The following HBS1L variants were observed in gnomAD, a reference collection of about 807,000 sequenced individuals.
HBS1L encodes HBS1 like translational GTPase.
HBS1L carries 55 observed loss-of-function variants against 88.9 expected under a neutral mutation model. That is an observed-to-expected ratio of 0.62 (90% CI 0.50 to 0.77). The LOEUF (loss-of-function observed/expected upper bound fraction) is 0.77, where lower values mean the gene tolerates loss of function less well. HBS1L is among the 30% of genes least tolerant of loss of function. The pLI, the probability that HBS1L is intolerant of heterozygous loss-of-function variation, is 0.00. For synonymous variants in HBS1L, 267 were observed against 288.5 expected (o/e 0.93, Z 0.76); for missense variants, 741 against 829.3 (o/e 0.89, Z 1.31).
intron 7 of HBS1L, among the ~76,000 whole-genome samples, chr6:134,995,790 T>C (rs1177834268): frequency 6.6e-6 from 1 of 152,004 alleles, no homozygotes; most frequent in Non-Finnish European, 1.5e-5. Context: ...CTTACTAGGA[T>C]AGAAAACAGG....
intron 7 of HBS1L, among the ~76,000 whole-genome samples, chr6:134,995,454 C>T (rs932611948): frequency 2.0e-5 from 3 of 151,768 alleles, no homozygotes; most frequent in Admixed American, 1.3e-4. Context: ...AGCAGCAAAA[C>T]GCAGCAGCAA....
chr6:135,054,126 A>C (rs906698048), intron 1 of HBS1L, among the ~76,000 whole-genome samples: 1 of 152,268 alleles, frequency 6.6e-6, no homozygotes, highest in African/African-American at 2.4e-5. Flanking sequence ...AAATTCGTTG[A>C]AAAATAAATT....
chr6:135,002,614 A>G (rs1433194593), intron 5 of HBS1L, 120 bp downstream of exon 5: 1 of 623,614 alleles, frequency 1.6e-6, no homozygotes, highest in Non-Finnish European at 2.9e-6. Flanking sequence ...AGGATATATG[A>G]TACTTCAGTG....
At chr6:135,052,575 C>T (rs531380127) in intron 1 of HBS1L, among the ~76,000 whole-genome samples, 194 of 140,958 alleles carry the variant, frequency 1.4e-3, no homozygotes, top group Non-Finnish European at 1.1e-3. Flanking sequence ...AAGTGCGATC[C>T]TGTCTCTTAA....
chr6:135,040,649 C>T (rs1776705866), intron 3 of HBS1L, among the ~76,000 whole-genome samples: 1 of 151,662 alleles, frequency 6.6e-6, no homozygotes, highest in African/African-American at 2.4e-5. Flanking sequence ...CGTGCCCAGC[C>T]GGCATTCACT....
intron 1 of HBS1L, among the ~76,000 whole-genome samples, chr6:135,052,479 C>T (rs999481869): frequency 2.0e-5 from 3 of 150,474 alleles, no homozygotes; most frequent in Non-Finnish European, 2.9e-5. Context: ...GGCTGAGGCA[C>T]GAGGATTGCT....
chr6:134,981,255 T>G (rs531534739), intron 13 of HBS1L, among the ~76,000 whole-genome samples: 1 of 152,104 alleles, frequency 6.6e-6, no homozygotes, highest in Admixed American at 6.6e-5. Flanking sequence ...ATTATAGCTC[T>G]TGTCACTTTA....
At chr6:135,022,255 T>C (rs975049935) in intron 4 of HBS1L, among the ~76,000 whole-genome samples, 1 of 151,604 alleles carries the variant, frequency 6.6e-6, no homozygotes, top group African/African-American at 2.4e-5. Flanking sequence ...AAAGGATGTA[T>C]AATTGCCTTA....
chr6:134,985,560 G>A (rs1774956074), intron 11 of HBS1L, 151 bp from the exon 12 acceptor site: 3 of 529,442 alleles, frequency 5.7e-6, no homozygotes, highest in African/African-American at 2.0e-5. Flanking sequence ...TATACACATT[G>A]AGCATCCCAA....
chr6:134,982,956 T>C (rs1774874969), intron 12 of HBS1L: 2 of 153,454 alleles, frequency 1.3e-5, no homozygotes, highest in South Asian at 2.0e-4. Context: ...ATGTAAAATA[T>C]ACAATAGAAA....
rs1435049802 is a variant in HBS1L at position 135,002,846 on chromosome 6, G to C, written c.431-4C>G. 1.3e-6 allele frequency: 2 copies of C among 1,592,390 alleles called. No homozygotes were observed. Among genetic ancestry groups the C allele is most frequent in the East Asian group, 4.5e-5 (2 of 44,702 alleles). ...GTCTGGGAATCTACTGGTTTTCCTA[G>C]TTAAGGAGTAAAATATAAAAGGCCA... On this transcript the variant is annotated splice_polypyrimidine_tract_variant and splice_region_variant and intron_variant, in intron 4 of 17. Coordinates refer to ENST00000367837, the MANE Select transcript of HBS1L (RefSeq NM_006620.4).
chr6:134,967,831 A>G (rs572382645), intron 16 of HBS1L, among the ~76,000 whole-genome samples: 1 of 152,348 alleles, frequency 6.6e-6, no homozygotes, highest in Non-Finnish European at 1.5e-5. Flanking sequence ...AAGAATATAC[A>G]TTATGTGAAA....
chr6:134,979,600 G>A (rs933448934), intron 13 of HBS1L, among the ~76,000 whole-genome samples: 1 of 151,988 alleles, frequency 6.6e-6, no homozygotes, highest in Non-Finnish European at 1.5e-5. Flanking sequence ...CATATTAATG[G>A]ATACAGACAA....
chr6:135,034,706 T>C (rs565325916), intron 4 of HBS1L, among the ~76,000 whole-genome samples: 1 of 152,242 alleles, frequency 6.6e-6, no homozygotes, highest in Non-Finnish European at 1.5e-5. Context: ...GGAATACTAA[T>C]AATATCTCCA....
At chr6:134,991,605 AG>A (rs1382596878) in intron 8 of HBS1L, among the ~76,000 whole-genome samples, 1 of 152,250 alleles carries the variant, frequency 6.6e-6, no homozygotes, top group Non-Finnish European at 1.5e-5. Flanking sequence ...CTCAATTAAT[AG>A]GGATAATTAC....
rs1176668855 is a variant in HBS1L, at chr6:134,964,244, G to A, written c.*1035C>T. The stretch of plus-strand genomic sequence containing the variant: ...AGATCAGAGTTCCAGGTTCAGCTGA[G>A]GTCAAAATCTACTCTAAAGCTCCTT... On this transcript the variant is annotated 3_prime_UTR_variant, in exon 18 of 18. Transcript: ENST00000367837. 3.9e-5 allele frequency: 6 copies of A among 152,154 alleles called. No homozygotes were observed. In the East Asian group the frequency reaches 9.6e-4, roughly 24 times the overall value. 9.4% of individuals were successfully genotyped at this position (152,154 alleles called of 1,614,324 possible).
chr6:135,037,834 T>A, intron 4 of HBS1L: 4 of 1,546,276 alleles, frequency 2.6e-6, no homozygotes, highest in Non-Finnish European at 3.5e-6. Context: ...CTTTTCACTT[T>A]TACGTGTGTC....
intron 2 of HBS1L, among the ~76,000 whole-genome samples, chr6:135,046,267 G>T (rs1179979110): frequency 1.3e-5 from 2 of 151,628 alleles, no homozygotes; most frequent in Non-Finnish European, 2.9e-5. Flanking sequence ...TTTACCCACA[G>T]TACTGTTGTA....
intron 4 of HBS1L, among the ~76,000 whole-genome samples, chr6:135,018,031 T>C (rs1019304797): frequency 6.6e-6 from 1 of 151,754 alleles, no homozygotes; most frequent in African/African-American, 2.4e-5. Flanking sequence ...ACGTACACTT[T>C]TGCCATCAAT....
Sources: allele counts gnomAD v4.1 joint callset (sites outside exome capture counted in the v4.1 genomes callset), GRCh38; gene constraint gnomAD v4.1.1; transcripts MANE v1.5; gene names NCBI Gene and HGNC (gene_info 2026-07-23, HGNC 2026-07-21).